TRIM26: variants seen among roughly 807,000 people sequenced by gnomAD.
The protein encoded by TRIM26 is tripartite motif-containing protein 26.
Under a neutral mutation model 45.5 loss-of-function variants are expected in TRIM26, and 16 were observed. The observed-to-expected ratio is 0.35, with a 90% CI of 0.24 to 0.53. The LOEUF (loss-of-function observed/expected upper bound fraction) is 0.53, where lower values mean the gene tolerates loss of function less well. Ranked by LOEUF, TRIM26 falls within the 20% of genes least tolerant of loss-of-function variation. TRIM26 has a pLI of 0.92. For synonymous variants in TRIM26, 273 were observed against 290.4 expected (o/e 0.94, Z 0.61); for missense variants, 442 against 691.1 (o/e 0.64, Z 4.04).
At chr6:30,212,915 C>CAAAAAAAAA (rs3059548) in intron 1 of TRIM26, among the ~76,000 whole-genome samples, 6 of 130,294 alleles carry the variant, frequency 4.6e-5, no homozygotes, top group African/African-American at 5.7e-5. Flanking sequence ...TTACTCCGAA[C>CAAAAAAAAA]AAAAAAAAAA....
intron 1 of TRIM26, 134 bp from the exon 2 acceptor site, chr6:30,204,899 G>C (rs1334130310): frequency 6.6e-6 from 1 of 152,198 alleles, no homozygotes; most frequent in Non-Finnish European, 1.5e-5. Context: ...TTGCACCAGA[G>C]GTCACACATC....
At chr6:30,208,904 A>ATG (rs9278612) in intron 1 of TRIM26, among the ~76,000 whole-genome samples, 3,709 of 140,658 alleles carry the variant, frequency 0.026, 63 homozygotes, top group East Asian at 0.04. Flanking sequence ...GATATAGAAT[A>ATG]TGTGTGTGTG....
In TRIM26 at chr6:30,203,605, C is replaced by T. The variant is rs186753053; in HGVS notation, c.-266+1051G>A. Among the ~76,000 whole-genome samples the T allele has an allele frequency of 7.9e-5, 12 of 151,110 alleles. No individual in the cohort carries two copies. The East Asian group carries it at 9.9e-4, about 12-fold the overall frequency. ...TAATTTTTTGTAGTTTTAGTAGAGA[C>T]GGGGTTTCACCAGGTTGGCCAGGCT... On this transcript the variant is annotated intron_variant, in intron 2 of 9. Coordinates refer to ENST00000454678, the MANE Select transcript of TRIM26 (RefSeq NM_003449.5).
In TRIM26 at chr6:30,184,486, T is replaced by C. The variant is rs539276981; in HGVS notation, c.*1390A>G. 1 of 152,428 alleles carries C rather than the reference T, an allele frequency of 6.6e-6. No homozygotes were observed. The highest frequency in any genetic ancestry group is 1.9e-4 in the East Asian group (1 of 5,190). 9.4% of individuals were successfully genotyped at this position (152,428 alleles called of 1,614,324 possible). On this transcript the variant is annotated 3_prime_UTR_variant, in exon 10 of 10. Coordinates refer to ENST00000454678, the MANE Select transcript of TRIM26 (RefSeq NM_003449.5). ...CAACAAGTCTTTATTGAGCACCTACTCTGTGCCCAGCACTGCACTAGGTGC... is the reference window on the plus strand; with the variant it reads ...CAACAAGTCTTTATTGAGCACCTACCCTGTGCCCAGCACTGCACTAGGTGC...
Position 30,199,006 on chromosome 6 carries a change from T to C in TRIM26, c.98A>G (p.His33Arg). 1 of 1,611,738 alleles carries C rather than the reference T, an allele frequency of 6.2e-7. No homozygotes were observed. The highest frequency in any genetic ancestry group is 8.5e-7 in the Non-Finnish European group (1 of 1,179,124). The change falls in exon 4 of 10, where the codon CAC (histidine) becomes CGC (arginine). Residue 33 changes from histidine to arginine, a missense_variant. Transcript: ENST00000454678. ...LRDPVTIDCG[H>R]VFCRSCTTDV... is the part of the protein sequence containing the mutation. ...TGTGGTGCAGCTGCGGCAGAAGACG[T>C]GGCCACAGTCAATGGTCACAGGGTC...
chr6:30,209,677 T>A lies in TRIM26; in HGVS notation c.-376+3628A>T, dbSNP rs561900094. Among the ~76,000 whole-genome samples the A allele has an allele frequency of 1.3e-5, 2 of 152,114 alleles. No homozygotes were observed. The highest frequency in any genetic ancestry group is 4.8e-5 in the African/African-American group (2 of 41,500). ...AGGATCATCCTTCTAGCACACAGGATCTCATCCTTGTTATTCTCCTGCTTC... is the reference window on the plus strand; with the variant it reads ...AGGATCATCCTTCTAGCACACAGGAACTCATCCTTGTTATTCTCCTGCTTC... On this transcript the variant is annotated intron_variant, in intron 1 of 9. Transcript: ENST00000454678. The surrounding 1 kb of genome is among the most constrained non-coding windows in gnomAD (Gnocchi z 4.8).
At position 30,186,679 on chromosome 6, in the gene TRIM26, G is replaced by A. The variant is rs1775233318; in HGVS notation, c.938-121C>T. The A allele has an allele frequency of 1.6e-6, 2 of 1,252,472 alleles. No homozygotes were observed. The highest frequency in any genetic ancestry group is 3.0e-5 in the African/African-American group (2 of 65,798). 77.6% of individuals were successfully genotyped at this position (1,252,472 alleles called of 1,614,324 possible). ...AACAAAATTAAAGTTGCATACATTAGTAATATAACTCAACATCCTTAATTT... is the reference window on the plus strand; with the variant it reads ...AACAAAATTAAAGTTGCATACATTAATAATATAACTCAACATCCTTAATTT... On this transcript the variant is annotated intron_variant, in intron 9 of 9. Transcript: ENST00000454678. This position sits in a 1 kb window ranked among gnomAD's most constrained non-coding sequence, Gnocchi z 7.4.
At chr6:30,193,890 T>C (rs1278308854) in intron 6 of TRIM26, among the ~76,000 whole-genome samples, 3 of 152,230 alleles carry the variant, frequency 2.0e-5, no homozygotes, top group African/African-American at 7.2e-5. Context: ...TATTGGTGTA[T>C]TAAAAATGCA....
At chr6:30,195,526 A>G (rs974778157) in intron 6 of TRIM26, among the ~76,000 whole-genome samples, 3 of 152,104 alleles carry the variant, frequency 2.0e-5, no homozygotes, top group African/African-American at 7.2e-5. Context: ...GCTGAACTGG[A>G]AGGTCTAAAA....
rs944153044 is a variant in TRIM26 at position 30,185,167 on chromosome 6, T to G, written c.*709A>C. 1 of 152,192 alleles carries G rather than the reference T, an allele frequency of 6.6e-6. No individual in the cohort carries two copies. The highest frequency in any genetic ancestry group is 1.5e-5 in the Non-Finnish European group (1 of 68,052). 9.4% of individuals were successfully genotyped at this position (152,192 alleles called of 1,614,324 possible). On this transcript the variant is annotated 3_prime_UTR_variant, in exon 10 of 10. Transcript: ENST00000454678. The surrounding 1 kb of genome is among the most constrained non-coding windows in gnomAD (Gnocchi z 5.7). ...AATTTATTGATCAGTGATCACAGCT[T>G]GTACCCCAAAGCCGTGTATGTCTGG...
intron 6 of TRIM26, among the ~76,000 whole-genome samples, chr6:30,195,577 A>G (rs974928232): frequency 1.6e-4 from 24 of 152,072 alleles, no homozygotes; most frequent in African/African-American, 3.9e-4. Flanking sequence ...ATTCACAACA[A>G]TGAGGAGCAG....
In TRIM26 at chr6:30,196,178, G is replaced by A. The variant is rs2517614; in HGVS notation, c.765+338C>T. The stretch of plus-strand genomic sequence containing the variant: ...ATAAAAAGCTTCCACCAGCTGCTAA[G>A]TGTCTGCCAATGACTTGTTAAGAGG... On this transcript the variant is annotated intron_variant, in intron 6 of 9. Coordinates refer to ENST00000454678, the MANE Select transcript of TRIM26 (RefSeq NM_003449.5). The surrounding 1 kb of genome is among the most constrained non-coding windows in gnomAD (Gnocchi z 4.9). Among the ~76,000 whole-genome samples, 33,731 of 152,136 alleles carry A rather than the reference G, an allele frequency of 0.22. 4,288 individuals carry two copies. The highest frequency in any genetic ancestry group is 0.34 in the African/African-American group (14,031 of 41,454).
chr6:30,185,807 C>CA lies in TRIM26; in HGVS notation c.*68dup. 6.5e-7 allele frequency: 1 copy of CA among 1,528,828 alleles called. No individual in the cohort carries two copies. The highest frequency in any genetic ancestry group is 2.3e-5 in the East Asian group (1 of 44,080). The allele number at this position is 1,528,828 out of a possible 1,614,324, so 94.7% of individuals were successfully genotyped here. On this transcript the variant is annotated 3_prime_UTR_variant, in exon 10 of 10. Transcript: ENST00000454678. The surrounding 1 kb of genome is among the most constrained non-coding windows in gnomAD (Gnocchi z 5.7). ...GCTTAGGCCAGGCATCCCGTCCCCC[C>CA]ATTGAGAGTCCTGGAATTCCAAAGA...
Position 30,186,171 on chromosome 6 carries a change from G to A in TRIM26, c.1325C>T (p.Ala442Val). The A allele has an allele frequency of 6.3e-7, 1 of 1,597,404 alleles. No homozygotes were observed. The highest frequency in any genetic ancestry group is 2.3e-5 in the East Asian group (1 of 44,022). ...TCCCTTCCTCTTCACAGAGTCTCTA[G>A]CCACCCCCACCATGCAGCTTTCCAG... ...EVLESCMVGV[A>V]RDSVKRKGDL... The change falls in exon 10 of 10, where the codon GCT (alanine) becomes GTT (valine). Residue 442 changes from alanine to valine, a missense_variant. Ala to Val is a moderately conservative substitution (Grantham distance 64). Coordinates refer to ENST00000454678, the MANE Select transcript of TRIM26 (RefSeq NM_003449.5). The surrounding 1 kb of genome is among the most constrained non-coding windows in gnomAD (Gnocchi z 7.4).
intron 9 of TRIM26, chr6:30,187,267 G>T: frequency 3.2e-6 from 1 of 312,932 alleles, no homozygotes; most frequent in South Asian, 3.2e-5. Context: ...TTCCTTCCAA[G>T]AATCTTCCAA....
intron 1 of TRIM26, among the ~76,000 whole-genome samples, chr6:30,208,912 G>A (rs999690251): frequency 1.5e-5 from 2 of 133,530 alleles, no homozygotes; most frequent in Admixed American, 7.2e-5. Context: ...ATATGTGTGT[G>A]TGTGTGTGTG....
rs749678086 is a variant in TRIM26, at chr6:30,209,928, C to G, written c.-376+3377G>C. ...CTGAGGTCAAAACTGCACAGGTGGC[C>G]GGGCACGGTGCCTCACGCCTGTAAT... On this transcript the variant is annotated intron_variant, in intron 1 of 9. Coordinates refer to ENST00000454678, the MANE Select transcript of TRIM26 (RefSeq NM_003449.5). This position sits in a 1 kb window ranked among gnomAD's most constrained non-coding sequence, Gnocchi z 4.8. Among the ~76,000 whole-genome samples the G allele has an allele frequency of 2.0e-5, 3 of 152,010 alleles. No individual in the cohort carries two copies. Among genetic ancestry groups the G allele is most frequent in the African/African-American group, 7.2e-5 (3 of 41,400 alleles).
At position 30,207,265 on chromosome 6, in the gene TRIM26, T is replaced by C. The variant is rs114487278; in HGVS notation, c.-375-2500A>G. On this transcript the variant is annotated intron_variant, in intron 1 of 9. Transcript: ENST00000454678. This position sits in a 1 kb window ranked among gnomAD's most constrained non-coding sequence, Gnocchi z 4.9. ...GTTTAAGCAGCAGGATGTTGAAAGT[T>C]ATTCAACAGCTAGCAGATGTTTATT... Among the ~76,000 whole-genome samples the C allele has an allele frequency of 7.9e-3, 1,199 of 152,272 alleles. 10 individuals are homozygous for C. The highest frequency in any genetic ancestry group is 0.028 in the African/African-American group (1,173 of 41,532).
Position 30,189,944 on chromosome 6 carries a change from C to T in TRIM26, c.788+69G>A, listed in dbSNP as rs924638071. On this transcript the variant is annotated intron_variant, in intron 7 of 9. Coordinates refer to ENST00000454678, the MANE Select transcript of TRIM26 (RefSeq NM_003449.5). This position sits in a 1 kb window ranked among gnomAD's most constrained non-coding sequence, Gnocchi z 5.0. ...ATACCACTCCCCATGAATTCAAATG[C>T]ACCTGGTCAGAAGCGGGGGAACATA... 6.3e-7 allele frequency: 1 copy of T among 1,590,218 alleles called. No individual in the cohort carries two copies. The highest frequency in any genetic ancestry group is 8.6e-7 in the Non-Finnish European group (1 of 1,159,690).
Sources: allele counts gnomAD v4.1 joint callset (sites outside exome capture counted in the v4.1 genomes callset), GRCh38; gene constraint gnomAD v4.1.1; non-coding constraint Gnocchi (gnomAD v3.1); transcripts MANE v1.5; gene names NCBI Gene and HGNC (gene_info 2026-07-23, HGNC 2026-07-21).